VWA2: variants seen among roughly 807,000 people sequenced by gnomAD.
VWA2 encodes the protein von Willebrand factor A domain-containing protein 2.
In VWA2, 73 loss-of-function variants were observed where a neutral mutation model predicts 70.4. The ratio of observed to expected loss-of-function variants is 1.04; its 90% confidence interval spans 0.86 to 1.26. VWA2 has a LOEUF of 1.26. Ranked by LOEUF, VWA2 falls within the 50% of genes most tolerant of loss-of-function variation. The probability of loss-of-function intolerance (pLI) is 0.00; values close to 1 mark genes in which losing one functional copy is unlikely to be tolerated. For missense variants in VWA2, 1,011 were observed against 998.5 expected, an observed-to-expected ratio of 1.01 and a Z score of -0.17; for synonymous variants, 407 against 423.3, an observed-to-expected ratio of 0.96 and a Z score of 0.47.
chr10:114,277,168 CTTTTTTTTTTT>C (rs780326649), intron 6 of VWA2, among the ~76,000 whole-genome samples: 28 of 61,216 alleles, frequency 4.6e-4, no homozygotes, highest in South Asian at 1.2e-3. Context: ...GACTGCACGT[CTTTTTTTTTTT>C]TTTTTTTTTT....
chr10:114,248,195 G>A (rs2037114736), intron 1 of VWA2, among the ~76,000 whole-genome samples: 1 of 152,128 alleles, frequency 6.6e-6, no homozygotes, highest in Non-Finnish European at 1.5e-5. Flanking sequence ...GATAGTGCAG[G>A]CTTTCTTCAG....
chr10:114,289,305 G>C lies in VWA2; in HGVS notation c.1938G>C (p.Glu646Asp), dbSNP rs754575985. ...TGCTCACAGGCGGGAGAGGCGCAGA[G>C]GATGCAGCCGTTCCTGCCCAGAAGC... ...VVVLTGGRGAEDAAVPAQKLR... is the reference protein window; with the variant it reads ...VVVLTGGRGADDAAVPAQKLR... The change falls in exon 12 of 14, where the codon GAG becomes GAC. Residue 646 changes from glutamate to aspartate, a missense_variant. Coordinates refer to ENST00000392982, the MANE Select transcript of VWA2 (RefSeq NM_001272046.2). The C allele has an allele frequency of 6.2e-7, 1 of 1,614,126 alleles. No homozygotes were observed. Among genetic ancestry groups the C allele is most frequent in the Non-Finnish European group, 8.5e-7 (1 of 1,180,018 alleles).
intron 10 of VWA2, among the ~76,000 whole-genome samples, 180 bp downstream of exon 10, chr10:114,285,150 TA>T (rs1385329096): frequency 6.6e-6 from 1 of 152,218 alleles, no homozygotes; most frequent in Non-Finnish European, 1.5e-5. Context: ...CGTGAGTAGA[TA>T]ATTGGGGTGG....
chr10:114,260,030 G>A (rs1457766377), intron 4 of VWA2, among the ~76,000 whole-genome samples: 1 of 152,210 alleles, frequency 6.6e-6, no homozygotes, highest in Non-Finnish European at 1.5e-5. Context: ...GGGAATTCAA[G>A]TGGGGAGCAG....
At chr10:114,245,267 A>G (rs1024519236) in intron 1 of VWA2, among the ~76,000 whole-genome samples, 1 of 152,210 alleles carries the variant, frequency 6.6e-6, no homozygotes, top group African/African-American at 2.4e-5. Context: ...ATCGAGATCA[A>G]GCTGCTTAAG....
intron 5 of VWA2, among the ~76,000 whole-genome samples, chr10:114,263,303 C>G (rs1426013025): frequency 2.0e-5 from 3 of 148,474 alleles, no homozygotes; most frequent in Non-Finnish European, 4.4e-5. Flanking sequence ...GTGTGAGCCA[C>G]TGTGCCCAGC....
intron 1 of VWA2, among the ~76,000 whole-genome samples, chr10:114,243,924 G>C (rs1282240571): frequency 6.6e-6 from 1 of 152,216 alleles, no homozygotes; most frequent in Non-Finnish European, 1.5e-5. Flanking sequence ...GAGGAGATCA[G>C]GGGCGTGGAG....
chr10:114,253,570 T>G, intron 2 of VWA2, 81 bp from the exon 3 acceptor site: 2 of 1,237,506 alleles, frequency 1.6e-6, no homozygotes, highest in Admixed American at 3.9e-5. Context: ...GTTACCTGTT[T>G]AGTCAAGTCA....
In VWA2 at chr10:114,282,525, AG is replaced by A; in HGVS notation, c.844del (p.Val282CysfsTer3). 1 of 1,613,808 alleles carries A rather than the reference AG, an allele frequency of 6.2e-7. No individual in the cohort carries two copies. Among genetic ancestry groups the A allele is most frequent in the Non-Finnish European group, 8.5e-7 (1 of 1,179,808 alleles). ...TTTCCTTGGATTGTAGCTGGAAGAG[AG>A]TGTTCCTAACCCACCCTGCCACCTG... ...AHCPFYSWKR[V>X]FLTHPATCYR... On this transcript the variant is annotated frameshift_variant, in exon 9 of 14. Transcript: ENST00000392982. LOFTEE classifies it high-confidence loss of function.
intron 4 of VWA2, among the ~76,000 whole-genome samples, chr10:114,258,807 T>G (rs2037383305): frequency 6.6e-6 from 1 of 152,232 alleles, no homozygotes; most frequent in Non-Finnish European, 1.5e-5. Flanking sequence ...ATATTCTTCT[T>G]TCTCTCTTAT....
rs144974085 is a variant in VWA2, at chr10:114,282,017, C to CTTTTTTTTTTTTTTTTTTT, written c.834-489_834-488insTTTTTTTTTTTTTTTTTTT. 4.6e-4 allele frequency among the ~76,000 whole-genome samples: 55 copies of CTTTTTTTTTTTTTTTTTTT among 119,674 alleles called. 2 individuals are homozygous for CTTTTTTTTTTTTTTTTTTT. The highest frequency in any genetic ancestry group is 1.2e-3 in the African/African-American group (39 of 31,368). The allele number at this position is 119,674 out of a possible 152,430, so 78.5% of individuals were successfully genotyped here. ...AAATGTGATAGCCAGCTTATGTTAC[C>CTTTTTTTTTTTTTTTTTTT]TTTTTTTTTTGAGATGGAGTCTTAC... is the stretch of plus-strand genomic sequence containing the variant. On this transcript the variant is annotated intron_variant, in intron 8 of 13. Transcript: ENST00000392982.
intron 6 of VWA2, among the ~76,000 whole-genome samples, chr10:114,274,899 G>C (rs2037794647): frequency 6.6e-6 from 1 of 152,170 alleles, no homozygotes; most frequent in African/African-American, 2.4e-5. Flanking sequence ...GCCCCAGAGT[G>C]AATAGTGGTG....
At chr10:114,246,395 G>A (rs1300117808) in intron 1 of VWA2, 9 of 595,170 alleles carry the variant, frequency 1.5e-5, no homozygotes, top group African/African-American at 1.5e-4. Context: ...CAGCTACTCA[G>A]AAGGCTGAGA....
Position 114,278,807 on chromosome 10 carries a change from G to A in VWA2, c.789G>A (p.Ser263=), listed in dbSNP as rs1433916330. Residue 263 remains serine, a synonymous_variant, in exon 8 of 14, where the codon TCG becomes TCA. Coordinates refer to ENST00000392982, the MANE Select transcript of VWA2 (RefSeq NM_001272046.2). ...FAGNAPCWRG[S]RRTLAVLAAH... is the part of the protein sequence containing the mutation. ...GCAATGCCCCATGCTGGAGAGGATCGCGGCGGACCCTTGCGGTGCTGGCTG... is the reference window on the plus strand; with the variant it reads ...GCAATGCCCCATGCTGGAGAGGATCACGGCGGACCCTTGCGGTGCTGGCTG... The A allele has an allele frequency of 1.1e-5, 17 of 1,613,456 alleles. No individual in the cohort carries two copies. The highest frequency in any genetic ancestry group is 7.7e-5 in the South Asian group (7 of 91,052).
Position 114,239,421 on chromosome 10 carries a change from C to G in VWA2, c.-159C>G, listed in dbSNP as rs1424036845. Reference sequence around the variant, plus strand: ...CAGCCGGGTCGGGTCGTGCCGCCCTCTCCCAGGAGAGACAAACAGGTGTCC... The same window carrying G: ...CAGCCGGGTCGGGTCGTGCCGCCCTGTCCCAGGAGAGACAAACAGGTGTCC... On this transcript the variant is annotated 5_prime_UTR_variant, in exon 1 of 14. Coordinates refer to ENST00000392982, the MANE Select transcript of VWA2 (RefSeq NM_001272046.2). 1.3e-5 allele frequency: 2 copies of G among 152,344 alleles called. No individual in the cohort carries two copies. The highest frequency in any genetic ancestry group is 1.3e-4 in the Admixed American group (2 of 15,292). The allele number at this position is 152,344 out of a possible 1,614,324, so 9.4% of individuals were successfully genotyped here.
intron 4 of VWA2, among the ~76,000 whole-genome samples, chr10:114,256,909 CAAAAAAAAAAA>C (rs1191231574): frequency 3.6e-5 from 2 of 54,810 alleles, no homozygotes; most frequent in South Asian, 1.3e-3. Flanking sequence ...AACACCGTCT[CAAAAAAAAAAA>C]AAAAAAAAAA....
chr10:114,277,018 T>C (rs1435356211), intron 6 of VWA2, among the ~76,000 whole-genome samples: 2 of 152,074 alleles, frequency 1.3e-5, no homozygotes, highest in Non-Finnish European at 2.9e-5. Context: ...GGGAGGAGAA[T>C]CTGTTTTATG....
At chr10:114,252,426 T>C (rs2037216312) in intron 2 of VWA2, among the ~76,000 whole-genome samples, 1 of 152,044 alleles carries the variant, frequency 6.6e-6, no homozygotes, top group South Asian at 2.1e-4. Context: ...TTAGTTTGCA[T>C]GGGGGACTAG....
chr10:114,278,734 C>G lies in VWA2; in HGVS notation c.716C>G (p.Ala239Gly). The G allele has an allele frequency of 6.2e-7, 1 of 1,613,986 alleles. No homozygotes were observed. Among genetic ancestry groups the G allele is most frequent in the Non-Finnish European group, 8.5e-7 (1 of 1,180,022 alleles). ...GTGGACACAGACTGCAGGGTCGAGG[C>G]TCACCCCTGTGAGCACAGGACGCTG... is the stretch of plus-strand genomic sequence containing the variant. ...SSATPDCRVE[A>G]HPCEHRTLEM... The change falls in exon 8 of 14, where the codon GCT becomes GGT. Residue 239 changes from alanine to glycine, a missense_variant. Physicochemically the swap from Ala to Gly is moderately conservative, Grantham distance 60 (BLOSUM62 0). Transcript: ENST00000392982.
Sources: gnomAD v4.1 joint callset for allele counts (sites outside exome capture counted in the v4.1 genomes callset) on GRCh38, gnomAD v4.1.1 for gene constraint, MANE v1.5 for transcripts, NCBI Gene and HGNC (gene_info 2026-07-23, HGNC 2026-07-21) for gene names.